Variants in CUL2 observed in about 807,000 individuals in gnomAD.
CUL2 encodes cullin 2.
CUL2 carries 22 observed loss-of-function variants against 110.2 expected under a neutral mutation model. The ratio of observed to expected loss-of-function variants is 0.20; its 90% confidence interval spans 0.14 to 0.28. CUL2 has a LOEUF of 0.28. Among genes scored for constraint, CUL2 ranks in the 10% least tolerant of loss-of-function variants. The probability of loss-of-function intolerance (pLI) is 1.00; values close to 1 mark genes in which losing one functional copy is unlikely to be tolerated. For synonymous variants in CUL2, 279 were observed against 293.2 expected, an observed-to-expected ratio of 0.95 and a Z score of 0.49; for missense variants, 631 against 905.5, an observed-to-expected ratio of 0.70 and a Z score of 3.89.
At chr10:35,091,054 T>A (rs2087196604), upstream of CUL2, among the ~76,000 whole-genome samples, 1 of 152,210 alleles carries the variant, frequency 6.6e-6, no homozygotes, top group South Asian at 2.1e-4. Flanking sequence ...AAACTTCACA[T>A]CTTTTTCACT....
rs548639123 is a variant in CUL2, at chr10:35,021,202, A to C, written c.1684+3930T>G. Among the ~76,000 whole-genome samples the C allele has an allele frequency of 6.0e-5, 9 of 150,838 alleles. No homozygotes were observed. The East Asian group carries it at 1.8e-3, about 29-fold the overall frequency. On this transcript the variant is annotated intron_variant, in intron 17 of 20. Transcript: ENST00000374749. ...ATGGTGACAATTTTATTCCATTCTA[A>C]CTGCAGATTAAATTAACCTCCATGT...
At position 35,054,415 on chromosome 10, in the gene CUL2, CACT is replaced by C; in HGVS notation, c.423+16_423+18del. The C allele has an allele frequency of 7.7e-7, 1 of 1,306,618 alleles. No individual in the cohort carries two copies. The highest frequency in any genetic ancestry group is 1.1e-6 in the Non-Finnish European group (1 of 927,596). 80.9% of individuals were successfully genotyped at this position (1,306,618 alleles called of 1,614,324 possible). A position where few individuals can be genotyped will look rare whatever the true frequency, so the allele number is the denominator to read the frequency against. ...TAAAAACATACTTATGTTTGCTAGT[CACT>C]TAAAGAATGTCCTACCTCTCCTATT... is the stretch of plus-strand genomic sequence containing the variant. On this transcript the variant is annotated intron_variant, in intron 5 of 20. Coordinates refer to ENST00000374749, the MANE Select transcript of CUL2 (RefSeq NM_003591.4).
At position 35,038,921 on chromosome 10, in the gene CUL2, A is replaced by G. The variant is rs1443881519; in HGVS notation, c.876T>C (p.Asn292=). ...CTACTCATGTTTGGTGTCACTTACCATTTTTTTTCTCTTGTCGAATTATAT... is the reference window on the plus strand; with the variant it reads ...CTACTCATGTTTGGTGTCACTTACCGTTTTTTTTCTCTTGTCGAATTATAT... ...CHNIIRQEKK[N]DMANMYVLLR... is the part of the protein sequence containing the mutation. Residue 292 remains asparagine, a splice_region_variant and synonymous_variant, in exon 9 of 21, where the codon AAT becomes AAC. Transcript: ENST00000374749. The G allele has an allele frequency of 6.3e-7, 1 of 1,580,572 alleles. No individual in the cohort carries two copies. The highest frequency in any genetic ancestry group is 8.6e-7 in the Non-Finnish European group (1 of 1,161,788).
chr10:35,125,856 G>A (rs543853202), intron 1 of CUL2, among the ~76,000 whole-genome samples: 1 of 152,196 alleles, frequency 6.6e-6, no homozygotes, highest in Non-Finnish European at 1.5e-5. Flanking sequence ...TTGAGATGGA[G>A]CCTCGCTCTG....
In CUL2 at chr10:35,047,963, T is replaced by C. The variant is rs532282135; in HGVS notation, c.506+1720A>G. Among the ~76,000 whole-genome samples the C allele has an allele frequency of 1.4e-4, 21 of 151,772 alleles. No homozygotes were observed. In the South Asian group the frequency reaches 4.4e-3, roughly 32 times the overall value. ...GAATTCAGAGTTAGATTAGCCCAGA[T>C]GTGAATCCCTAGAATTATTATTAGA... On this transcript the variant is annotated intron_variant, in intron 6 of 20. Transcript: ENST00000374749.
intron 2 of CUL2, among the ~76,000 whole-genome samples, chr10:35,098,769 A>G (rs1564752529): frequency 6.6e-6 from 1 of 151,454 alleles, no homozygotes; most frequent in South Asian, 2.1e-4. Context: ...CATCTCTACT[A>G]AAAAAAACCA....
Position 35,031,705 on chromosome 10 carries a change from A to G in CUL2, c.1171-86T>C, listed in dbSNP as rs2085483968. The G allele has an allele frequency of 6.9e-7, 1 of 1,447,438 alleles. No individual in the cohort carries two copies. Among genetic ancestry groups the G allele is most frequent in the Admixed American group, 1.8e-5 (1 of 54,450 alleles). The allele number at this position is 1,447,438 out of a possible 1,614,324, so 89.7% of individuals were successfully genotyped here. ...AGGAGGCAAAGTGGTGATACAAGGTAAGATCAGCGGACAGAATTTTTGCTG... is the reference window on the plus strand; with the variant it reads ...AGGAGGCAAAGTGGTGATACAAGGTGAGATCAGCGGACAGAATTTTTGCTG... On this transcript the variant is annotated intron_variant, in intron 12 of 20. Coordinates refer to ENST00000374749, the MANE Select transcript of CUL2 (RefSeq NM_003591.4). The surrounding 1 kb of genome is among the most constrained non-coding windows in gnomAD (Gnocchi z 4.4).
chr10:35,053,505 T>A (rs2086164486), intron 5 of CUL2, among the ~76,000 whole-genome samples: 1 of 152,250 alleles, frequency 6.6e-6, no homozygotes, highest in Non-Finnish European at 1.5e-5. Context: ...TTGCTGAATG[T>A]TGGATGCTGA....
chr10:35,044,073 A>C (rs1382936583), intron 8 of CUL2, among the ~76,000 whole-genome samples: 1 of 146,136 alleles, frequency 6.8e-6, no homozygotes, highest in African/African-American at 2.5e-5. Flanking sequence ...AAAAAAAAAA[A>C]AACACCTCAC....
chr10:35,119,397 T>C (rs899569873), intron 1 of CUL2, among the ~76,000 whole-genome samples: 5 of 152,182 alleles, frequency 3.3e-5, no homozygotes, highest in Admixed American at 2.0e-4. Context: ...GCTTGAGCCA[T>C]ATAATTTTAC....
intron 1 of CUL2, among the ~76,000 whole-genome samples, chr10:35,071,790 T>C (rs2086688947): frequency 6.6e-6 from 1 of 152,188 alleles, no homozygotes; most frequent in Non-Finnish European, 1.5e-5. Context: ...CACAACAAAA[T>C]GTTAGCTACC....
chr10:35,049,650 A>G, intron 6 of CUL2, 33 bp downstream of exon 6: 1 of 1,553,976 alleles, frequency 6.4e-7, no homozygotes. Flanking sequence ...AACAAAATAA[A>G]ATTGACTCAG....
rs747928775 is a variant in CUL2, at chr10:35,060,921, G to A, written c.270C>T (p.Tyr90=). 7 of 1,613,848 alleles carry A rather than the reference G, an allele frequency of 4.3e-6. No homozygotes were observed. In the Admixed American group the frequency reaches 1.0e-4, roughly 23 times the overall value. ...CTGCACCCTTGCTGTATTCTTCCCA[G>A]TACCTATGATACATAACAAGTACTT... The part of the protein sequence containing the change: ...EEQVLVMYHR[Y]WEEYSKGADY... The change falls in exon 4 of 21, where the codon TAC becomes TAT. Residue 90 remains tyrosine (Y), a synonymous_variant. Transcript: ENST00000374749.
At position 35,113,479 on chromosome 10, in the gene CUL2, C is replaced by G. The variant is rs908573945; in HGVS notation, c.-50-12419G>C. On this transcript the variant is annotated intron_variant, in intron 1 of 5. Transcript: ENST00000685421. ...CGCTACTGCACTCCAGCCTGGGTGA[C>G]AAGAGCAAGACTCTGCCTCAAAAAA... 7.8e-5 allele frequency among the ~76,000 whole-genome samples: 7 copies of G among 90,116 alleles called. No homozygotes were observed. The Admixed American group carries it at 1.4e-3, about 18-fold the overall frequency. The allele number at this position is 90,116 out of a possible 152,430, so 59.1% of individuals were successfully genotyped here. A position where few individuals can be genotyped will look rare whatever the true frequency, so the allele number is the denominator to read the frequency against.
chr10:35,033,214 G>C lies in CUL2; in HGVS notation c.1062C>G (p.Ile354Met), dbSNP rs770569784. The C allele has an allele frequency of 6.2e-7, 1 of 1,613,648 alleles. No homozygotes were observed. Among genetic ancestry groups the C allele is most frequent in the Non-Finnish European group, 8.5e-7 (1 of 1,179,876 alleles). The change falls in exon 11 of 21, where the codon ATC becomes ATG. Residue 354 changes from isoleucine (I) to methionine (M), a missense_variant. By Grantham distance (10) the Ile-to-Met change is conservative. Transcript: ENST00000374749. ...LEVHGKFVQL[I>M]NTVLNGDQHF... is the part of the protein sequence containing the mutation. ...GCTGATCACCATTCAAAACAGTGTT[G>C]ATAAGCTGAACAAATTTACCATGCA...
chr10:35,012,531 G>A (rs542658692), intron 19 of CUL2, among the ~76,000 whole-genome samples: 1 of 152,186 alleles, frequency 6.6e-6, no homozygotes, highest in East Asian at 1.9e-4. Flanking sequence ...GAGAAGCCAG[G>A]AGAGGGGGCC....
intron 1 of CUL2, among the ~76,000 whole-genome samples, chr10:35,080,419 T>C (rs182980260): frequency 2.0e-5 from 3 of 151,476 alleles, no homozygotes; most frequent in Admixed American, 1.3e-4. Context: ...ACTTTCTGGC[T>C]TTAGAATTCC....
intron 1 of CUL2, among the ~76,000 whole-genome samples, chr10:35,109,242 T>C (rs997186049): frequency 3.3e-5 from 5 of 152,060 alleles, no homozygotes; most frequent in Non-Finnish European, 5.9e-5. Context: ...TGAGACCCTG[T>C]CTCAAAAACA....
intron 3 of CUL2, among the ~76,000 whole-genome samples, chr10:35,062,550 T>C (rs1005027414): frequency 2.6e-5 from 4 of 151,946 alleles, no homozygotes; most frequent in African/African-American, 9.7e-5. Context: ...GATCTTAATA[T>C]GTATATATTT....
Sources: gnomAD v4.1 joint callset for allele counts (sites outside exome capture counted in the v4.1 genomes callset) on GRCh38, gnomAD v4.1.1 for gene constraint, Gnocchi (gnomAD v3.1) non-coding constraint, MANE v1.5 for transcripts, NCBI Gene and HGNC (gene_info 2026-07-23, HGNC 2026-07-21) for gene names.